The following ULK4 variants were observed in gnomAD, a reference collection of about 807,000 sequenced individuals.
ULK4 encodes the protein inactive serine/threonine-protein kinase ULK4.
ULK4 carries 133 observed loss-of-function variants against 160.6 expected under a neutral mutation model. The observed-to-expected ratio is 0.83, with a 90% CI of 0.72 to 0.96. The LOEUF is 0.96. Ranked by LOEUF, ULK4 falls within the 40% of genes least tolerant of loss-of-function variation. The probability of loss-of-function intolerance (pLI) is 0.00; values close to 1 mark genes in which losing one functional copy is unlikely to be tolerated. For missense variants in ULK4, 1,580 were observed against 1,499.5 expected (o/e 1.05, Z -0.89); for synonymous variants, 534 against 539.8 (o/e 0.99, Z 0.15).
At chr3:41,403,105 A>G (rs895014424) in intron 34 of ULK4, among the ~76,000 whole-genome samples, 11 of 151,950 alleles carry the variant, frequency 7.2e-5, no homozygotes, top group African/African-American at 2.4e-4. Flanking sequence ...AGCCAATATC[A>G]TGCCATTGCA....
intron 30 of ULK4, among the ~76,000 whole-genome samples, chr3:41,617,958 C>T (rs1294243244): frequency 1.3e-5 from 2 of 151,914 alleles, no homozygotes; most frequent in South Asian, 2.1e-4. Context: ...AAACATAGCA[C>T]GAGAACTTTG....
intron 32 of ULK4, among the ~76,000 whole-genome samples, chr3:41,547,452 C>A (rs2086902355): frequency 6.6e-6 from 1 of 152,122 alleles, no homozygotes; most frequent in South Asian, 2.1e-4. Flanking sequence ...CAGAGAGGCT[C>A]TCCAGTATAG....
chr3:41,442,662 T>C (rs1057002625), intron 34 of ULK4, among the ~76,000 whole-genome samples: 1 of 151,616 alleles, frequency 6.6e-6, no homozygotes, highest in African/African-American at 2.4e-5. Context: ...GGTGTCACCA[T>C]AGCTCACTGT....
At chr3:41,563,307 A>G (rs186608416) in intron 32 of ULK4, among the ~76,000 whole-genome samples, 1 of 151,416 alleles carries the variant, frequency 6.6e-6, no homozygotes, top group Non-Finnish European at 1.5e-5. Context: ...CCTTCATTTC[A>G]ACCTTGGTGA....
At chr3:41,662,319 A>G (rs889163624) in intron 30 of ULK4, among the ~76,000 whole-genome samples, 1 of 152,184 alleles carries the variant, frequency 6.6e-6, no homozygotes, top group Non-Finnish European at 1.5e-5. Flanking sequence ...CATGGCTCAG[A>G]ATAGATGGTA....
chr3:41,439,073 G>T (rs568141791), intron 34 of ULK4, among the ~76,000 whole-genome samples: 1 of 152,112 alleles, frequency 6.6e-6, no homozygotes, highest in South Asian at 2.1e-4. Flanking sequence ...CAGAGAGTGT[G>T]AAATGGGGGT....
chr3:41,593,431 A>G (rs1054386083), intron 31 of ULK4, among the ~76,000 whole-genome samples: 11 of 152,144 alleles, frequency 7.2e-5, no homozygotes, highest in African/African-American at 2.6e-4. Context: ...TATAAACACA[A>G]TGAAATCTGT....
chr3:41,896,017 C>A (rs1698137836), intron 15 of ULK4, among the ~76,000 whole-genome samples: 1 of 151,420 alleles, frequency 6.6e-6, no homozygotes. Flanking sequence ...CAAAAAAACT[C>A]TGACAAATTC....
intron 16 of ULK4, among the ~76,000 whole-genome samples, chr3:41,892,677 T>C (rs1249976806): frequency 6.6e-6 from 1 of 152,208 alleles, no homozygotes. Context: ...ATTTGTCTTA[T>C]CTGAGTTCCT....
chr3:41,542,989 C>G (rs2086745793), intron 32 of ULK4, among the ~76,000 whole-genome samples: 1 of 152,038 alleles, frequency 6.6e-6, no homozygotes, highest in African/African-American at 2.4e-5. Flanking sequence ...AATTATGAGC[C>G]ATTCTTATGT....
At chr3:41,954,875 T>C in intron 1 of ULK4, 68 bp from the exon 2 acceptor site, 1 of 1,055,566 alleles carries the variant, frequency 9.5e-7, no homozygotes, top group Non-Finnish European at 1.3e-6. Flanking sequence ...CCTAGGATAA[T>C]TAGCCTAGGA....
chr3:41,649,782 G>T (rs904497140), intron 30 of ULK4, among the ~76,000 whole-genome samples: 4 of 152,224 alleles, frequency 2.6e-5, no homozygotes, highest in Admixed American at 2.6e-4. Context: ...AGGTTCCTGG[G>T]CAGAAGAGGG....
At position 41,506,767 on chromosome 3, in the gene ULK4, A is replaced by AAAAAAAAAAAAAAAAAAAAAAAAAAAAAT; in HGVS notation, c.3227-43515_3227-43514insATTTTTTTTTTTTTTTTTTTTTTTTTTTT. ...AGCAATACACTGGAGTGTGATTTAA[A>AAAAAAAAAAAAAAAAAAAAAAAAAAAAAT]ATATATATATATATATATATATATA... is the stretch of plus-strand genomic sequence containing the variant. On this transcript the variant is annotated intron_variant, in intron 32 of 36. Transcript: ENST00000301831. Among the ~76,000 whole-genome samples, 7 of 56,792 alleles carry AAAAAAAAAAAAAAAAAAAAAAAAAAAAAT rather than the reference A, an allele frequency of 1.2e-4. 1 individual carries two copies. Among genetic ancestry groups the AAAAAAAAAAAAAAAAAAAAAAAAAAAAAT allele is most frequent in the East Asian group, 8.2e-4 (1 of 1,216 alleles). The allele number at this position is 56,792 out of a possible 152,430, so 37.3% of individuals were successfully genotyped here.
intron 17 of ULK4, among the ~76,000 whole-genome samples, chr3:41,851,716 A>G (rs896624662): frequency 3.9e-5 from 6 of 152,210 alleles, no homozygotes; most frequent in African/African-American, 1.4e-4. Context: ...AAGACACAAC[A>G]TACCAGAATA....
intron 17 of ULK4, among the ~76,000 whole-genome samples, chr3:41,839,163 C>T (rs1044468252): frequency 6.6e-6 from 1 of 151,916 alleles, no homozygotes; most frequent in African/African-American, 2.4e-5. Flanking sequence ...GCCTGACCAA[C>T]ATGGTGAAAC....
intron 17 of ULK4, among the ~76,000 whole-genome samples, chr3:41,845,967 AT>A (rs1215536261): frequency 6.6e-6 from 1 of 152,210 alleles, no homozygotes; most frequent in Non-Finnish European, 1.5e-5. Context: ...ATCCACTAGT[AT>A]TTTGTGTCAG....
rs1402425184 is a variant in ULK4, at chr3:41,732,738, G to C, written c.2322-14877C>G. Among the ~76,000 whole-genome samples, 3 of 152,084 alleles carry C rather than the reference G, an allele frequency of 2.0e-5. No individual in the cohort carries two copies. The East Asian group carries it at 5.8e-4, about 29-fold the overall frequency. ...CAACCTACGTGTCCATCAATGAATG[G>C]ATAAAGAAAATAAAGAAAATGTGGT... On this transcript the variant is annotated intron_variant, in intron 22 of 36. Coordinates refer to ENST00000301831, the MANE Select transcript of ULK4 (RefSeq NM_017886.4).
In ULK4 at chr3:41,457,457, G is replaced by T. The variant is rs541984487; in HGVS notation, c.3394-1862C>A. On this transcript the variant is annotated intron_variant, in intron 33 of 36. Transcript: ENST00000301831. ...CCAAGAGTTCCAGAAGAAAGAGAAGGCTACAGCTTTGCACAACAGAGAGGT... is the reference window on the plus strand; with the variant it reads ...CCAAGAGTTCCAGAAGAAAGAGAAGTCTACAGCTTTGCACAACAGAGAGGT... 4.6e-5 allele frequency among the ~76,000 whole-genome samples: 7 copies of T among 152,268 alleles called. No homozygotes were observed. The South Asian group carries it at 1.5e-3, about 32-fold the overall frequency.
At chr3:41,693,287 G>A (rs1431878645) in intron 27 of ULK4, among the ~76,000 whole-genome samples, 1 of 152,168 alleles carries the variant, frequency 6.6e-6, no homozygotes, top group Non-Finnish European at 1.5e-5. Context: ...AGAAGTACAA[G>A]TGCATTTACT....
Sources: allele counts gnomAD v4.1 joint callset (sites outside exome capture counted in the v4.1 genomes callset), GRCh38; gene constraint gnomAD v4.1.1; transcripts MANE v1.5; gene names NCBI Gene and HGNC (gene_info 2026-07-23, HGNC 2026-07-21).